ROBO1: variants seen among roughly 807,000 people sequenced by gnomAD.
The protein encoded by ROBO1 is roundabout homolog 1.
A neutral mutation model predicts 195.9 loss-of-function variants in ROBO1; 149 were observed. The ratio of observed to expected loss-of-function variants is 0.76; its 90% CI spans 0.67 to 0.87. The LOEUF (loss-of-function observed/expected upper bound fraction) is 0.87. Ranked by LOEUF, ROBO1 falls within the 40% of genes least tolerant of loss-of-function variation. The probability of loss-of-function intolerance (pLI) is 0.00; values close to 1 mark genes in which losing one functional copy is unlikely to be tolerated. For missense variants in ROBO1, 1,933 were observed against 2,068.3 expected, an observed-to-expected ratio of 0.93 and a Z score of 1.27; for synonymous variants, 816 against 733.2, an observed-to-expected ratio of 1.11 and a Z score of -1.82.
chr3:79,214,817 T>TAC (rs2082025972), intron 2 of ROBO1, among the ~76,000 whole-genome samples: 1 of 137,640 alleles, frequency 7.3e-6, no homozygotes, highest in East Asian at 2.0e-4. Context: ...TGCAAATATA[T>TAC]ATATATATAT....
chr3:78,687,421 G>A (rs1340595866), intron 9 of ROBO1, among the ~76,000 whole-genome samples: 1 of 152,146 alleles, frequency 6.6e-6, no homozygotes, highest in South Asian at 2.1e-4. Flanking sequence ...TAAAGTGAAA[G>A]AAAAGGTGAA....
intron 3 of ROBO1, among the ~76,000 whole-genome samples, chr3:79,049,947 A>G (rs913392567): frequency 3.9e-5 from 6 of 152,228 alleles, no homozygotes; most frequent in African/African-American, 1.4e-4. Context: ...AACATGCCAA[A>G]TTGTCAAGAC....
chr3:79,384,847 C>T (rs1233105804), intron 2 of ROBO1, among the ~76,000 whole-genome samples: 1 of 151,972 alleles, frequency 6.6e-6, no homozygotes, highest in African/African-American at 2.4e-5. Flanking sequence ...TATCTCAAAA[C>T]ATTCTGCTTT....
intron 3 of ROBO1, chr3:79,019,392 C>G (rs1178195598): frequency 1.0e-6 from 1 of 985,900 alleles, no homozygotes; most frequent in East Asian, 1.1e-4. Context: ...CGCGGCTCAC[C>G]CCAGCTCCTC....
At chr3:79,018,744 G>A (rs2078021836) in intron 3 of ROBO1, 1 of 1,188,522 alleles carries the variant, frequency 8.4e-7, no homozygotes, top group South Asian at 2.4e-5. Context: ...GAACAACAAA[G>A]AGCCGAGGCA....
At chr3:79,135,114 C>G (rs1042668684) in intron 2 of ROBO1, among the ~76,000 whole-genome samples, 1 of 151,942 alleles carries the variant, frequency 6.6e-6, no homozygotes, top group Middle Eastern at 3.2e-3. Context: ...TAAACATAGT[C>G]ATCATGTTGT....
At chr3:79,617,491 G>T (rs112937737) in intron 1 of ROBO1, among the ~76,000 whole-genome samples, 1 of 152,020 alleles carries the variant, frequency 6.6e-6, no homozygotes, top group Non-Finnish European at 1.5e-5. Flanking sequence ...GCCTTGCCCC[G>T]TGAAAGCAAC....
chr3:79,363,316 G>C (rs1203787654), intron 2 of ROBO1, among the ~76,000 whole-genome samples: 1 of 152,078 alleles, frequency 6.6e-6, no homozygotes, highest in Non-Finnish European at 1.5e-5. Flanking sequence ...CAAGCACTTT[G>C]ATCCTTTTGT....
chr3:79,519,288 A>C (rs1277130753), intron 2 of ROBO1, among the ~76,000 whole-genome samples: 1 of 152,124 alleles, frequency 6.6e-6, no homozygotes, highest in African/African-American at 2.4e-5. Flanking sequence ...TGGTCAAAGC[A>C]TGTCACGTGG....
intron 2 of ROBO1, among the ~76,000 whole-genome samples, chr3:79,415,241 A>T (rs756224085): frequency 1.3e-5 from 2 of 152,204 alleles, no homozygotes; most frequent in Non-Finnish European, 2.9e-5. Flanking sequence ...GTGAAACAAT[A>T]GATGAAGTTC....
chr3:79,096,091 G>T (rs2079560901), intron 3 of ROBO1, among the ~76,000 whole-genome samples: 1 of 151,914 alleles, frequency 6.6e-6, no homozygotes, highest in Admixed American at 6.6e-5. Context: ...ATCCTTAAAA[G>T]AAGGAATTTT....
intron 2 of ROBO1, among the ~76,000 whole-genome samples, chr3:79,268,946 TACA>T (rs1359950062): frequency 6.6e-6 from 1 of 151,738 alleles, no homozygotes; most frequent in African/African-American, 2.4e-5. Flanking sequence ...TCATAATAAG[TACA>T]ACATTAACCC....
At chr3:78,841,958 T>C (rs1576271741) in intron 4 of ROBO1, among the ~76,000 whole-genome samples, 1 of 151,852 alleles carries the variant, frequency 6.6e-6, no homozygotes, top group African/African-American at 2.4e-5. Flanking sequence ...AAATCTCAGA[T>C]TTGTCACTAT....
chr3:78,658,018 C>T (rs1423800232), intron 17 of ROBO1, among the ~76,000 whole-genome samples: 1 of 152,144 alleles, frequency 6.6e-6, no homozygotes, highest in African/African-American at 2.4e-5. Context: ...TACATGAGAA[C>T]ATAAAGAATA....
intron 4 of ROBO1, among the ~76,000 whole-genome samples, chr3:78,786,612 C>T (rs898233562): frequency 1.3e-5 from 2 of 151,966 alleles, no homozygotes; most frequent in Non-Finnish European, 1.5e-5. Flanking sequence ...GTGGGTTTTT[C>T]CCATGCTGTT....
At position 79,038,131 on chromosome 3, in the gene ROBO1, C is replaced by A. The variant is rs78134276; in HGVS notation, c.172+87325G>T. Among the ~76,000 whole-genome samples, 4 of 152,236 alleles carry A rather than the reference C, an allele frequency of 2.6e-5. No homozygotes were observed. The South Asian group carries it at 8.3e-4, about 32-fold the overall frequency. On this transcript the variant is annotated intron_variant, in intron 3 of 30. Coordinates refer to ENST00000464233, the MANE Select transcript of ROBO1 (RefSeq NM_002941.4). ...AATTGAAGATGATATCAGTTACACA[C>A]TGGAATCTAAACCAAAGCATGGGAC... is the stretch of plus-strand genomic sequence containing the variant.
chr3:79,326,975 T>A (rs763147479), intron 2 of ROBO1, among the ~76,000 whole-genome samples: 3 of 152,186 alleles, frequency 2.0e-5, no homozygotes, highest in Non-Finnish European at 4.4e-5. Context: ...GTTAAGTCAC[T>A]TTATCTCTCT....
At chr3:79,095,481 TGA>T (rs997452035) in intron 3 of ROBO1, among the ~76,000 whole-genome samples, 1 of 151,954 alleles carries the variant, frequency 6.6e-6, no homozygotes, top group African/African-American at 2.4e-5. Flanking sequence ...GCTATGTGAG[TGA>T]GTCTTCCTGG....
chr3:78,718,500 T>C, intron 5 of ROBO1, among the ~76,000 whole-genome samples: 1 of 151,958 alleles, frequency 6.6e-6, no homozygotes, highest in East Asian at 1.9e-4. Context: ...TCCCAGTAAA[T>C]CATCAGGAAA....
Sources: gnomAD v4.1 joint callset for allele counts (sites outside exome capture counted in the v4.1 genomes callset) on GRCh38, gnomAD v4.1.1 for gene constraint, MANE v1.5 for transcripts, NCBI Gene and HGNC (gene_info 2026-07-23, HGNC 2026-07-21) for gene names.